Variants in FHIT observed in about 807,000 individuals in gnomAD.
FHIT encodes bis(5'-adenosyl)-triphosphatase.
FHIT carries 19 observed loss-of-function variants against 17.9 expected under a neutral mutation model. That is an observed-to-expected ratio of 1.06 (90% CI 0.74 to 1.56). FHIT has a LOEUF of 1.56. Among genes scored for constraint, FHIT ranks in the 40% most tolerant of loss-of-function variants. The probability of loss-of-function intolerance (pLI) is 0.00; values close to 1 mark genes in which losing one functional copy is unlikely to be tolerated. For synonymous variants in FHIT, 81 were observed against 69.7 expected (o/e 1.16, Z -0.81); for missense variants, 248 against 189.2 (o/e 1.31, Z -1.82).
chr3:60,672,885 G>A (rs2040540667), intron 4 of FHIT, among the ~76,000 whole-genome samples: 1 of 150,712 alleles, frequency 6.6e-6, no homozygotes, highest in South Asian at 2.1e-4. Context: ...GTGTGTGTGT[G>A]TGTGTGTGTG....
intron 2 of FHIT, among the ~76,000 whole-genome samples, chr3:61,053,408 C>T (rs1231982741): frequency 6.6e-6 from 1 of 152,084 alleles, no homozygotes; most frequent in Non-Finnish European, 1.5e-5. Context: ...CCTGTAATCC[C>T]AACACTTTGG....
chr3:60,053,155 GTGGT>G (rs1701950722), intron 5 of FHIT, among the ~76,000 whole-genome samples: 1 of 151,472 alleles, frequency 6.6e-6, no homozygotes, highest in South Asian at 2.1e-4. Context: ...CTTTCTTAGC[GTGGT>G]TGGTTTCTTC....
At chr3:60,205,935 C>A (rs1242855423) in intron 5 of FHIT, among the ~76,000 whole-genome samples, 2 of 150,334 alleles carry the variant, frequency 1.3e-5, no homozygotes, top group African/African-American at 4.9e-5. Flanking sequence ...GGTGAAACCC[C>A]GTCTCTACTA....
At chr3:61,179,707 CAAAAAAAAA>C (rs779180597) in intron 2 of FHIT, among the ~76,000 whole-genome samples, 1 of 28,984 alleles carries the variant, frequency 3.5e-5, no homozygotes, top group Non-Finnish European at 6.6e-5. Flanking sequence ...GACCCTATCT[CAAAAAAAAA>C]AAAAAAAAAA....
intron 5 of FHIT, among the ~76,000 whole-genome samples, chr3:60,100,512 A>G (rs895624911): frequency 2.0e-5 from 3 of 152,184 alleles, no homozygotes; most frequent in Admixed American, 6.5e-5. Flanking sequence ...GTTTTTAAAA[A>G]TCCTAAGTTG....
intron 3 of FHIT, among the ~76,000 whole-genome samples, chr3:60,951,206 T>G (rs1481599779): frequency 2.6e-5 from 4 of 152,230 alleles, no homozygotes; most frequent in Admixed American, 1.3e-4. Flanking sequence ...GTCTTTTGTA[T>G]TCTTCAAGAG....
At chr3:60,383,855 C>T (rs1316093812) in intron 5 of FHIT, among the ~76,000 whole-genome samples, 1 of 152,132 alleles carries the variant, frequency 6.6e-6, no homozygotes, top group African/African-American at 2.4e-5. Context: ...CCTTTAAATA[C>T]TGTTGGGTCA....
chr3:60,494,742 C>T (rs541531146), intron 5 of FHIT, among the ~76,000 whole-genome samples: 35 of 152,212 alleles, frequency 2.3e-4, no homozygotes, highest in Middle Eastern at 6.8e-3. Flanking sequence ...TCTTTCTAGG[C>T]CTGACTTATT....
chr3:60,876,832 C>A (rs1227870291), intron 3 of FHIT, among the ~76,000 whole-genome samples: 1 of 152,040 alleles, frequency 6.6e-6, no homozygotes, highest in Non-Finnish European at 1.5e-5. Flanking sequence ...AAGGAGAGTG[C>A]TAGAATACAT....
At chr3:61,213,623 C>T (rs2039565554) in intron 1 of FHIT, among the ~76,000 whole-genome samples, 1 of 152,170 alleles carries the variant, frequency 6.6e-6, no homozygotes, top group African/African-American at 2.4e-5. Context: ...CAAGGATATC[C>T]AGGTATTGAA....
At chr3:60,539,485 C>T (rs1439030436) in intron 4 of FHIT, among the ~76,000 whole-genome samples, 1 of 152,214 alleles carries the variant, frequency 6.6e-6, no homozygotes, top group African/African-American at 2.4e-5. Context: ...TATAAAGACA[C>T]ATGCACACAT....
rs1325266633 is a variant in FHIT, at chr3:60,838,169, A to T, written c.-110-16158T>A. Among the ~76,000 whole-genome samples, 7 of 152,160 alleles carry T rather than the reference A, an allele frequency of 4.6e-5. 1 individual carries two copies. Reference sequence around the variant, plus strand: ...GGCTGGAGAGTGCAGTGATGCAATTATGCAAATTCTTTTAGTTTTCCGGCT... The same window carrying T: ...GGCTGGAGAGTGCAGTGATGCAATTTTGCAAATTCTTTTAGTTTTCCGGCT... On this transcript the variant is annotated intron_variant, in intron 3 of 9. Transcript: ENST00000492590.
chr3:61,099,402 G>C (rs1407002697), intron 2 of FHIT, among the ~76,000 whole-genome samples: 1 of 152,100 alleles, frequency 6.6e-6, no homozygotes, highest in African/African-American at 2.4e-5. Flanking sequence ...TCTCTGTCAG[G>C]TTTTGATATC....
chr3:60,063,436 G>C (rs2106935596), intron 5 of FHIT, among the ~76,000 whole-genome samples: 1 of 152,254 alleles, frequency 6.6e-6, no homozygotes, highest in Non-Finnish European at 1.5e-5. Context: ...CATTGGTTGA[G>C]GAAGCCAGAA....
At chr3:60,235,354 C>G (rs1704728319) in intron 5 of FHIT, among the ~76,000 whole-genome samples, 1 of 151,820 alleles carries the variant, frequency 6.6e-6, no homozygotes, top group African/African-American at 2.4e-5. Context: ...CCTCAACCTC[C>G]TGAGTAGCTG....
intron 5 of FHIT, among the ~76,000 whole-genome samples, chr3:60,269,932 T>C (rs958799517): frequency 2.0e-5 from 3 of 152,174 alleles, no homozygotes; most frequent in Non-Finnish European, 4.4e-5. Context: ...TATAAACTCA[T>C]GGGTTGGTTA....
intron 5 of FHIT, among the ~76,000 whole-genome samples, chr3:60,253,195 A>C (rs1380786227): frequency 6.6e-6 from 1 of 152,174 alleles, no homozygotes; most frequent in Non-Finnish European, 1.5e-5. Context: ...CTGCCAAAAA[A>C]GGCTCATAAT....
intron 5 of FHIT, among the ~76,000 whole-genome samples, chr3:60,106,066 G>C (rs1222013869): frequency 6.6e-6 from 1 of 152,138 alleles, no homozygotes; most frequent in East Asian, 1.9e-4. Context: ...GTCTCTTCTG[G>C]AGCGGGAATC....
chr3:60,730,854 C>T (rs918745536), intron 4 of FHIT, among the ~76,000 whole-genome samples: 9 of 151,944 alleles, frequency 5.9e-5, no homozygotes, highest in African/African-American at 2.2e-4. Context: ...CAGTGGCTCA[C>T]GCCTGTAATC....
Sources: allele counts gnomAD v4.1 joint callset (sites outside exome capture counted in the v4.1 genomes callset), GRCh38; gene constraint gnomAD v4.1.1; transcripts MANE v1.5; gene names NCBI Gene and HGNC (gene_info 2026-07-23, HGNC 2026-07-21).